COQ8A: variants seen among roughly 807,000 people sequenced by gnomAD.
COQ8A encodes atypical kinase COQ8A, mitochondrial.
Under a neutral mutation model 65.0 loss-of-function variants are expected in COQ8A, and 51 were observed. The observed-to-expected ratio is 0.78, with a 90% CI of 0.63 to 0.99. The LOEUF is 0.99. Among genes scored for constraint, COQ8A ranks in the 50% least tolerant of loss-of-function variants. COQ8A has a pLI of 0.00. For missense variants in COQ8A, 940 were observed against 875.0 expected, an observed-to-expected ratio of 1.07 and a Z score of -0.94; for synonymous variants, 371 against 353.2, an observed-to-expected ratio of 1.05 and a Z score of -0.57.
In COQ8A at chr1:226,971,314, AGGTCAGGGTGGGTG is replaced by A. The variant is rs1488929571; in HGVS notation, c.655+5579_655+5592del. 2.0e-5 allele frequency among the ~76,000 whole-genome samples: 3 copies of A among 151,840 alleles called. No individual in the cohort carries two copies. The East Asian group carries it at 5.9e-4, about 30-fold the overall frequency. ...ATGCCTGTAATCCCAGCACTTTGGG[AGGTCAGGGTGGGTG>A]GATCATGAGGTCAAGAGATCGAGAC... On this transcript the variant is annotated intron_variant, in intron 4 of 14. Transcript: ENST00000366777.
chr1:226,955,816 TCTCCCTGGCTCCCA>T (rs1657690726), intron 1 of COQ8A, among the ~76,000 whole-genome samples: 1 of 127,828 alleles, frequency 7.8e-6, no homozygotes. Flanking sequence ...TGGTTCACAC[TCTCCCTGGCTCCCA>T]CTCCCTGGTT....
At chr1:226,985,420 G>A (rs960980918) in intron 14 of COQ8A, 80 bp downstream of exon 14, 23 of 1,542,082 alleles carry the variant, frequency 1.5e-5, no homozygotes, top group Non-Finnish European at 1.8e-5. Context: ...GAAAGCACAG[G>A]GGGCAGCTGC....
At chr1:226,984,822 C>T (rs1659977711) in intron 12 of COQ8A, 54 bp from the exon 13 acceptor site, 2 of 1,592,414 alleles carry the variant, frequency 1.3e-6, no homozygotes, top group Non-Finnish European at 1.7e-6. Flanking sequence ...CGGCCCCACA[C>T]ACCCGCACCA....
At chr1:226,959,999 T>G (rs574856463) in intron 1 of COQ8A, among the ~76,000 whole-genome samples, 24 of 151,890 alleles carry the variant, frequency 1.6e-4, no homozygotes, top group Admixed American at 9.8e-4. Flanking sequence ...GTGTTGGTGC[T>G]TGGTGGTGGT....
chr1:226,942,695 T>C (rs1249046549), intron 1 of COQ8A, among the ~76,000 whole-genome samples: 1 of 152,142 alleles, frequency 6.6e-6, no homozygotes, highest in Admixed American at 6.5e-5. Context: ...CAAACATACG[T>C]ATGTGTATTT....
In COQ8A at chr1:226,986,488, C is replaced by T. The variant is rs375423144; in HGVS notation, c.1695C>T (p.Ile565=). 1 of 1,613,420 alleles carries T rather than the reference C, an allele frequency of 6.2e-7. No homozygotes were observed. The highest frequency in any genetic ancestry group is 1.3e-5 in the African/African-American group (1 of 74,980). Residue 565 remains isoleucine (I), a synonymous_variant, in exon 15 of 15, where the codon ATC becomes ATT. Coordinates refer to ENST00000366777, the MANE Select transcript of COQ8A (RefSeq NM_020247.5). ...MEDAHLDAIL[I]LGEAFASDEP... is the part of the protein sequence containing the mutation. Reference sequence around the variant, plus strand: ...ACGCCCACTTGGATGCCATCCTCATCCTGGGGGAGGCCTTCGCCTCTGATG... The same window carrying T: ...ACGCCCACTTGGATGCCATCCTCATTCTGGGGGAGGCCTTCGCCTCTGATG...
rs146060346 is a variant in COQ8A, at chr1:226,955,253, G to A, written c.-9-6124G>A. 1.6e-4 allele frequency among the ~76,000 whole-genome samples: 25 copies of A among 152,136 alleles called. 1 individual carries two copies. Among genetic ancestry groups the A allele is most frequent in the African/African-American group, 5.8e-4 (24 of 41,470 alleles). Reference sequence around the variant, plus strand: ...GTACTTCCTATAGGAGGTACCTATAGGTGGTTGGGGTGCTAGGCTTGCAGC... The same window carrying A: ...GTACTTCCTATAGGAGGTACCTATAAGTGGTTGGGGTGCTAGGCTTGCAGC... On this transcript the variant is annotated intron_variant, in intron 1 of 14. Coordinates refer to ENST00000366777, the MANE Select transcript of COQ8A (RefSeq NM_020247.5).
chr1:226,949,185 C>T lies in COQ8A; in HGVS notation c.-10+8786C>T, dbSNP rs995405643. 1.3e-5 allele frequency among the ~76,000 whole-genome samples: 2 copies of T among 151,628 alleles called. No homozygotes were observed. The highest frequency in any genetic ancestry group is 2.9e-5 in the Non-Finnish European group (2 of 67,988). On this transcript the variant is annotated intron_variant, in intron 1 of 14. Coordinates refer to ENST00000366777, the MANE Select transcript of COQ8A (RefSeq NM_020247.5). This position sits in a 1 kb window ranked among gnomAD's most constrained non-coding sequence, Gnocchi z 4.0. Reference sequence around the variant, plus strand: ...CAGAGTGGAGTGCGCTCACATGGCTCGCGCGTAGCTGGAGGCTGGAAAGGA... The same window carrying T: ...CAGAGTGGAGTGCGCTCACATGGCTTGCGCGTAGCTGGAGGCTGGAAAGGA...
At chr1:226,970,236 A>T (rs186205870) in intron 4 of COQ8A, among the ~76,000 whole-genome samples, 1 of 152,352 alleles carries the variant, frequency 6.6e-6, no homozygotes, top group Admixed American at 6.5e-5. Flanking sequence ...TAAAGGCATG[A>T]GCCACCGCAC....
Position 226,986,847 on chromosome 1 carries a change from G to C in COQ8A, c.*110G>C, listed in dbSNP as rs1046215592. ...TCTTTTTAACTCCTTTGCCCAATAAGGGGGGTGGCTGCCTGGAGCCCCGTA... is the reference window on the plus strand; with the variant it reads ...TCTTTTTAACTCCTTTGCCCAATAACGGGGGTGGCTGCCTGGAGCCCCGTA... On this transcript the variant is annotated 3_prime_UTR_variant, in exon 15 of 15. Coordinates refer to ENST00000366777, the MANE Select transcript of COQ8A (RefSeq NM_020247.5). 1.3e-4 allele frequency: 186 copies of C among 1,387,470 alleles called. No individual in the cohort carries two copies. Among genetic ancestry groups the C allele is most frequent in the Non-Finnish European group, 2.4e-5 (24 of 1,017,096 alleles). The allele number at this position is 1,387,470 out of a possible 1,614,324, so 85.9% of individuals were successfully genotyped here.
Position 226,984,253 on chromosome 1 carries a change from G to C in COQ8A, c.1398+18G>C, listed in dbSNP as rs1469341330. ...GGAACGAGGTTTGTCTGTGCCAGCA[G>C]ACAGGTGGGGCCAGGGTGGCCCTGC... On this transcript the variant is annotated intron_variant, in intron 11 of 14. Transcript: ENST00000366777. 6.2e-7 allele frequency: 1 copy of C among 1,613,020 alleles called. No homozygotes were observed. Among genetic ancestry groups the C allele is most frequent in the Non-Finnish European group, 8.5e-7 (1 of 1,179,986 alleles).
chr1:226,986,326 A>G (rs376527191), intron 14 of COQ8A, 127 bp from the exon 15 acceptor site: 18 of 1,085,136 alleles, frequency 1.7e-5, no homozygotes, highest in African/African-American at 1.6e-4. Context: ...GCCCATTACC[A>G]TGATGTAATC....
chr1:226,985,506 C>T (rs1660047472), intron 14 of COQ8A, among the ~76,000 whole-genome samples, 166 bp downstream of exon 14: 1 of 152,232 alleles, frequency 6.6e-6, no homozygotes. Context: ...CCATGCTGCC[C>T]TGCTGAGCGT....
chr1:226,966,659 G>T (rs935957056), intron 4 of COQ8A, among the ~76,000 whole-genome samples: 4 of 152,152 alleles, frequency 2.6e-5, no homozygotes, highest in Non-Finnish European at 5.9e-5. Flanking sequence ...GTGCTGGGTG[G>T]GGCATGGAGA....
chr1:226,950,697 A>G (rs550942868), intron 1 of COQ8A, among the ~76,000 whole-genome samples: 1 of 152,236 alleles, frequency 6.6e-6, no homozygotes, highest in South Asian at 2.1e-4. Flanking sequence ...TGCTCACAAA[A>G]TGAAAACATC....
intron 1 of COQ8A, chr1:226,957,980 C>T (rs1657914732): frequency 6.6e-6 from 1 of 152,108 alleles, no homozygotes; most frequent in Admixed American, 6.5e-5. Flanking sequence ...CTTTCCTAAC[C>T]CCTGTCCGTG....
chr1:226,942,377 A>C (rs2147992687), intron 1 of COQ8A, among the ~76,000 whole-genome samples: 1 of 152,114 alleles, frequency 6.6e-6, no homozygotes. Flanking sequence ...ACCCATGGGC[A>C]TGTACTGTGC....
chr1:226,972,931 A>C lies in COQ8A; in HGVS notation c.656-4518A>C, dbSNP rs1658980211. On this transcript the variant is annotated intron_variant, in intron 4 of 14. Coordinates refer to ENST00000366777, the MANE Select transcript of COQ8A (RefSeq NM_020247.5). The surrounding 1 kb of genome is among the most constrained non-coding windows in gnomAD (Gnocchi z 4.3). ...TAACTTAGTTTTGTGAAAGACTCAC[A>C]GTATCACTTGGTTTCTGGACACGGT... 6.6e-6 allele frequency among the ~76,000 whole-genome samples: 1 copy of C among 152,282 alleles called. No homozygotes were observed. Among genetic ancestry groups the C allele is most frequent in the African/African-American group, 2.4e-5 (1 of 41,484 alleles).
intron 11 of COQ8A, 152 bp downstream of exon 11, chr1:226,984,387 C>A: frequency 1.5e-6 from 2 of 1,350,348 alleles, no homozygotes; most frequent in African/African-American, 1.4e-5. Context: ...TAGGGGGACA[C>A]AGGGGAGCTG....
Sources: gnomAD v4.1 joint callset for allele counts (sites outside exome capture counted in the v4.1 genomes callset) on GRCh38, gnomAD v4.1.1 for gene constraint, Gnocchi (gnomAD v3.1) non-coding constraint, MANE v1.5 for transcripts, NCBI Gene and HGNC (gene_info 2026-07-23, HGNC 2026-07-21) for gene names.